The following SH2D4B variants were observed in gnomAD, a reference collection of about 807,000 sequenced individuals.
SH2D4B encodes the protein SH2 domain containing 4B.
A neutral mutation model predicts 61.5 loss-of-function variants in SH2D4B; 45 were observed. The ratio of observed to expected loss-of-function variants is 0.73; its 90% CI spans 0.58 to 0.94. The LOEUF (loss-of-function observed/expected upper bound fraction) is 0.94. SH2D4B is among the 40% of genes least tolerant of loss of function. The pLI, the probability that SH2D4B is intolerant of heterozygous loss-of-function variation, is 0.00. For missense variants in SH2D4B, 572 were observed against 574.2 expected, an observed-to-expected ratio of 1.00 and a Z score of 0.04; for synonymous variants, 224 against 220.4, an observed-to-expected ratio of 1.02 and a Z score of -0.14.
intron 1 of SH2D4B, among the ~76,000 whole-genome samples, chr10:80,558,219 A>G (rs2132110600): frequency 6.6e-6 from 1 of 152,240 alleles, no homozygotes. Context: ...CATGATTTCA[A>G]ATATTTTATG....
At chr10:80,588,458 C>T (rs1395631240) in intron 3 of SH2D4B, among the ~76,000 whole-genome samples, 172 bp from the exon 4 acceptor site, 13 of 152,168 alleles carry the variant, frequency 8.5e-5, no homozygotes, top group Non-Finnish European at 1.5e-5. Context: ...CCAAAAACAA[C>T]TGTCTATGGG....
chr10:80,561,655 T>C (rs1564768786), intron 1 of SH2D4B, among the ~76,000 whole-genome samples: 1 of 152,204 alleles, frequency 6.6e-6, no homozygotes, highest in African/African-American at 2.4e-5. Context: ...TATGGTAACA[T>C]GTTATGTCAC....
chr10:80,641,474 TG>T (rs1434024647), intron 7 of SH2D4B, among the ~76,000 whole-genome samples: 1 of 152,252 alleles, frequency 6.6e-6, no homozygotes, highest in Admixed American at 6.5e-5. Context: ...CCATCCACTT[TG>T]TTTACCTACT....
chr10:80,567,888 A>G (rs1459078530), intron 1 of SH2D4B, among the ~76,000 whole-genome samples: 1 of 152,194 alleles, frequency 6.6e-6, no homozygotes, highest in African/African-American at 2.4e-5. Context: ...GTCATGAACA[A>G]CCAAAGATTT....
At position 80,609,440 on chromosome 10, in the gene SH2D4B, C is replaced by T; in HGVS notation, c.877C>T (p.Pro293Ser). ...ALPVSRTWER[P>S]LRPVSRDVIV... ...TCTCTTCAGCAGGACCTGGGAGCGC[C>T]CGCTGCGCCCAGTCTCCAGAGATGT... The change falls in exon 6 of 8, where the codon CCG (proline) becomes TCG (serine). Residue 293 changes from proline (P) to serine (S), a missense_variant. Physicochemically the swap from Pro to Ser is moderately conservative, Grantham distance 74 (BLOSUM62 -1). Coordinates refer to ENST00000646907, the MANE Select transcript of SH2D4B (RefSeq NM_001388272.1). 6.2e-7 allele frequency: 1 copy of T among 1,613,972 alleles called. No individual in the cohort carries two copies. The highest frequency in any genetic ancestry group is 8.5e-7 in the Non-Finnish European group (1 of 1,179,918).
chr10:80,603,519 T>G (rs1842475905), intron 4 of SH2D4B, 60 bp from the exon 5 acceptor site: 7 of 1,410,504 alleles, frequency 5.0e-6, no homozygotes. Flanking sequence ...CTGTCCCAGC[T>G]GGCGCAGTGC....
At chr10:80,542,320 C>T (rs1207638455) in intron 1 of SH2D4B, among the ~76,000 whole-genome samples, 1 of 151,990 alleles carries the variant, frequency 6.6e-6, no homozygotes, top group East Asian at 1.9e-4. Flanking sequence ...CTGGGTGTGA[C>T]CAGGGGACAC....
At chr10:80,590,612 G>A (rs940944588) in intron 4 of SH2D4B, among the ~76,000 whole-genome samples, 3 of 152,082 alleles carry the variant, frequency 2.0e-5, no homozygotes, top group African/African-American at 7.2e-5. Flanking sequence ...ATTGCAACTG[G>A]GGCCATACAG....
intron 3 of SH2D4B, among the ~76,000 whole-genome samples, chr10:80,588,374 C>A (rs59038521): frequency 2.8e-3 from 430 of 152,074 alleles, no homozygotes; most frequent in Admixed American, 4.8e-3. Flanking sequence ...GGATCCTTTC[C>A]TGAGGAAGCA....
At chr10:80,606,442 G>A (rs1315251143) in intron 5 of SH2D4B, among the ~76,000 whole-genome samples, 1 of 152,002 alleles carries the variant, frequency 6.6e-6, no homozygotes, top group Non-Finnish European at 1.5e-5. Context: ...TGCCTCCCAG[G>A]TTCAAGTGAT....
At chr10:80,614,632 C>T (rs1445473017) in intron 6 of SH2D4B, among the ~76,000 whole-genome samples, 1 of 152,214 alleles carries the variant, frequency 6.6e-6, no homozygotes, top group Non-Finnish European at 1.5e-5. Flanking sequence ...GGCTAGCGAA[C>T]CCCCCAGAAT....
At chr10:80,587,159 T>TG (rs1842267766) in intron 3 of SH2D4B, among the ~76,000 whole-genome samples, 1 of 119,838 alleles carries the variant, frequency 8.3e-6, no homozygotes, top group African/African-American at 4.0e-5. Context: ...TTGTTTTTTT[T>TG]TTTTTTTTTG....
At chr10:80,566,016 A>G (rs1281286613) in intron 1 of SH2D4B, among the ~76,000 whole-genome samples, 1 of 133,796 alleles carries the variant, frequency 7.5e-6, no homozygotes, top group Non-Finnish European at 1.6e-5. Context: ...GCGTGAACCC[A>G]GGAGGCGGAG....
At chr10:80,572,982 A>G (rs1186943797) in intron 3 of SH2D4B, among the ~76,000 whole-genome samples, 627 of 9,158 alleles carry the variant, frequency 0.068, 12 homozygotes, top group Middle Eastern at 0.17. Context: ...ATATATATAT[A>G]TATATTTTTT....
In SH2D4B at chr10:80,538,987, C is replaced by G. The variant is rs528245482; in HGVS notation, c.184+472C>G. Among the ~76,000 whole-genome samples, 15 of 152,244 alleles carry G rather than the reference C, an allele frequency of 9.9e-5. No homozygotes were observed. The highest frequency in any genetic ancestry group is 1.8e-4 in the Non-Finnish European group (12 of 68,044). ...CCCCTTCTGTGGACTGTGCCTCTCCCTCCAGATCCTCCGGCAGGAGGATGC... is the reference window on the plus strand; with the variant it reads ...CCCCTTCTGTGGACTGTGCCTCTCCGTCCAGATCCTCCGGCAGGAGGATGC... On this transcript the variant is annotated intron_variant, in intron 1 of 7. Coordinates refer to ENST00000646907, the MANE Select transcript of SH2D4B (RefSeq NM_001388272.1). This position sits in a 1 kb window ranked among gnomAD's most constrained non-coding sequence, Gnocchi z 4.8.
rs147332302 is a variant in SH2D4B, at chr10:80,599,939, CA to C, written c.644-3639del. ...TGACTCCACACATCTCCTCTGCTCC[CA>C]CATCACTTCCCCACCTCCACTCAGG... On this transcript the variant is annotated intron_variant, in intron 4 of 7. Transcript: ENST00000646907. Among the ~76,000 whole-genome samples, 699 of 152,294 alleles carry C rather than the reference CA, an allele frequency of 4.6e-3. 3 individuals are homozygous for C. Among genetic ancestry groups the C allele is most frequent in the African/African-American group, 0.015 (624 of 41,558 alleles).
intron 6 of SH2D4B, among the ~76,000 whole-genome samples, chr10:80,623,923 A>G (rs78077741): frequency 0.1 from 15,795 of 152,216 alleles, 1,133 homozygotes; most frequent in African/African-American, 0.2. Flanking sequence ...AGTTCCTTGC[A>G]TTGGATCCTT....
chr10:80,631,509 A>G (rs183432173), intron 6 of SH2D4B, among the ~76,000 whole-genome samples: 1 of 152,338 alleles, frequency 6.6e-6, no homozygotes, highest in Admixed American at 6.5e-5. Context: ...TTGGCCTACT[A>G]AAGTGCTGGT....
At chr10:80,593,727 A>G (rs1842357638) in intron 4 of SH2D4B, among the ~76,000 whole-genome samples, 1 of 152,182 alleles carries the variant, frequency 6.6e-6, no homozygotes, top group African/African-American at 2.4e-5. Flanking sequence ...AGAACTTCCA[A>G]TACTATGTTG....
Sources: gnomAD v4.1 joint callset for allele counts (sites outside exome capture counted in the v4.1 genomes callset) on GRCh38, gnomAD v4.1.1 for gene constraint, Gnocchi (gnomAD v3.1) non-coding constraint, MANE v1.5 for transcripts, NCBI Gene and HGNC (gene_info 2026-07-23, HGNC 2026-07-21) for gene names.